Variants in ZC2HC1B observed in about 807,000 individuals in gnomAD.
ZC2HC1B encodes the protein zinc finger C2HC domain-containing protein 1B.
Under a neutral mutation model 31.0 loss-of-function variants are expected in ZC2HC1B, and 36 were observed. That is an observed-to-expected ratio of 1.16 (90% CI 0.89 to 1.54). ZC2HC1B has a LOEUF of 1.54. Among genes scored for constraint, ZC2HC1B ranks in the 40% most tolerant of loss-of-function variants. The pLI, the probability that ZC2HC1B is intolerant of heterozygous loss-of-function variation, is 0.00. For synonymous variants in ZC2HC1B, 73 were observed against 88.0 expected, an observed-to-expected ratio of 0.83 and a Z score of 0.95; for missense variants, 260 against 268.6, an observed-to-expected ratio of 0.97 and a Z score of 0.22.
At chr6:143,880,426 A>G (rs1777453985) in intron 1 of ZC2HC1B, among the ~76,000 whole-genome samples, 2 of 152,348 alleles carry the variant, frequency 1.3e-5, no homozygotes, top group East Asian at 1.9e-4. Context: ...CAGAAAACTA[A>G]AAGTAATATT....
chr6:143,920,970 A>G lies in ZC2HC1B; in HGVS notation c.599-16679A>G, dbSNP rs375241743. On this transcript the variant is annotated intron_variant, in intron 6 of 7. Coordinates refer to ENST00000237275, the MANE Select transcript of ZC2HC1B (RefSeq NM_001013623.3). ...ATACCATCTGAGCTCACCTTCTCCTATTTCTCCTTTTTTGAAAAAAACCGA... is the reference window on the plus strand; with the variant it reads ...ATACCATCTGAGCTCACCTTCTCCTGTTTCTCCTTTTTTGAAAAAAACCGA... 6.6e-5 allele frequency among the ~76,000 whole-genome samples: 10 copies of G among 150,928 alleles called. 1 individual carries two copies. Among genetic ancestry groups the G allele is most frequent in the South Asian group, 4.2e-4 (2 of 4,760 alleles).
At position 143,885,996 on chromosome 6, in the gene ZC2HC1B, C is replaced by T. The variant is rs75669641; in HGVS notation, c.91-36C>T. ...CTAGGCATTAAAAACTGATTGTGCA[C>T]TTTAGAAATTCCAATCCCTACTCTT... is the stretch of plus-strand genomic sequence containing the variant. On this transcript the variant is annotated intron_variant, in intron 2 of 7. Coordinates refer to ENST00000237275, the MANE Select transcript of ZC2HC1B (RefSeq NM_001013623.3). This position sits in a 1 kb window ranked among gnomAD's most constrained non-coding sequence, Gnocchi z 4.2. 560 of 1,489,528 alleles carry T rather than the reference C, an allele frequency of 3.8e-4. No individual in the cohort carries two copies. The highest frequency in any genetic ancestry group is 1.2e-3 in the Admixed American group (50 of 40,102). 92.3% of individuals were successfully genotyped at this position (1,489,528 alleles called of 1,614,324 possible).
In ZC2HC1B at chr6:143,933,740, A is replaced by C. The variant is rs1056746967; in HGVS notation, c.599-3909A>C. On this transcript the variant is annotated intron_variant, in intron 6 of 7. Coordinates refer to ENST00000237275, the MANE Select transcript of ZC2HC1B (RefSeq NM_001013623.3). The surrounding 1 kb of genome is among the most constrained non-coding windows in gnomAD (Gnocchi z 6.4). Reference sequence around the variant, plus strand: ...CAGCCTGGGACTCAGATCTAGTCCCAGGCTCTAAGTTTCCCCACTGAGGAA... The same window carrying C: ...CAGCCTGGGACTCAGATCTAGTCCCCGGCTCTAAGTTTCCCCACTGAGGAA... Among the ~76,000 whole-genome samples the C allele has an allele frequency of 3.3e-5, 5 of 152,134 alleles. No individual in the cohort carries two copies. The highest frequency in any genetic ancestry group is 5.9e-5 in the Non-Finnish European group (4 of 68,024).
chr6:143,920,840 G>A lies in ZC2HC1B; in HGVS notation c.599-16809G>A, dbSNP rs571945412. 5.3e-5 allele frequency among the ~76,000 whole-genome samples: 8 copies of A among 150,892 alleles called. No homozygotes were observed. In the East Asian group the frequency reaches 9.7e-4, roughly 18 times the overall value. On this transcript the variant is annotated intron_variant, in intron 6 of 7. Transcript: ENST00000237275. ...GGAGAATCGCTTGAACCCAGGAGTC[G>A]GAGGTTACAGTGAGCCAAGATCGCC...
At chr6:143,889,129 A>G (rs556579345) in intron 4 of ZC2HC1B, among the ~76,000 whole-genome samples, 2 of 152,198 alleles carry the variant, frequency 1.3e-5, no homozygotes, top group East Asian at 3.9e-4. Context: ...CTTATATTAT[A>G]CATGAATAGG....
chr6:143,904,460 C>G (rs1351672448), intron 6 of ZC2HC1B, among the ~76,000 whole-genome samples: 1 of 152,190 alleles, frequency 6.6e-6, no homozygotes, highest in East Asian at 1.9e-4. Flanking sequence ...CTGCCAGGCT[C>G]AAGTGATCCT....
rs920339966 is a variant in ZC2HC1B, at chr6:143,913,708, C to A, written c.598+10556C>A. On this transcript the variant is annotated intron_variant, in intron 6 of 7. Coordinates refer to ENST00000237275, the MANE Select transcript of ZC2HC1B (RefSeq NM_001013623.3). This position sits in a 1 kb window ranked among gnomAD's most constrained non-coding sequence, Gnocchi z 5.7. ...TAGGCTCACAAGGGGATCTCCTGAT[C>A]CACAGGTTGCAAAGATTCATGGGAG... Among the ~76,000 whole-genome samples the A allele has an allele frequency of 4.6e-5, 7 of 152,188 alleles. No individual in the cohort carries two copies. The highest frequency in any genetic ancestry group is 1.7e-4 in the African/African-American group (7 of 41,444).
At position 143,885,559 on chromosome 6, in the gene ZC2HC1B, G is replaced by C. The variant is rs1313102170; in HGVS notation, c.91-473G>C. ...TTTTTATAGAGCTTGTATTTTGTGG[G>C]GTCTGACAAAGCTACTGTGTCAATG... is the stretch of plus-strand genomic sequence containing the variant. On this transcript the variant is annotated intron_variant, in intron 2 of 7. Coordinates refer to ENST00000237275, the MANE Select transcript of ZC2HC1B (RefSeq NM_001013623.3). This position sits in a 1 kb window ranked among gnomAD's most constrained non-coding sequence, Gnocchi z 4.2. 6.6e-6 allele frequency among the ~76,000 whole-genome samples: 1 copy of C among 152,066 alleles called. No individual in the cohort carries two copies. Among genetic ancestry groups the C allele is most frequent in the Non-Finnish European group, 1.5e-5 (1 of 68,018 alleles).
In ZC2HC1B at chr6:143,887,087, A is replaced by G. The variant is rs1777539693; in HGVS notation, c.349+266A>G. ...ACCAGACACCTCTTAGCCGATAGGT[A>G]TGGAGCTATGCAGAGCAAACTAACC... is the stretch of plus-strand genomic sequence containing the variant. On this transcript the variant is annotated intron_variant, in intron 4 of 7. Coordinates refer to ENST00000237275, the MANE Select transcript of ZC2HC1B (RefSeq NM_001013623.3). This position sits in a 1 kb window ranked among gnomAD's most constrained non-coding sequence, Gnocchi z 5.1. Among the ~76,000 whole-genome samples the G allele has an allele frequency of 6.6e-6, 1 of 152,180 alleles. No homozygotes were observed. The highest frequency in any genetic ancestry group is 2.1e-4 in the South Asian group (1 of 4,828).
At position 143,916,239 on chromosome 6, in the gene ZC2HC1B, C is replaced by T. The variant is rs143264908; in HGVS notation, c.598+13087C>T. On this transcript the variant is annotated intron_variant, in intron 6 of 7. Transcript: ENST00000237275. ...AAGCCCCAAGCCTTGGCAGCTTCCA[C>T]GTGGTGTTGAGCCTGTGGGTGCACA... 1.9e-3 allele frequency among the ~76,000 whole-genome samples: 294 copies of T among 152,290 alleles called. 5 individuals are homozygous for T. The highest frequency in any genetic ancestry group is 0.012 in the East Asian group (60 of 5,180).
At position 143,886,806 on chromosome 6, in the gene ZC2HC1B, C is replaced by G. The variant is rs746365328; in HGVS notation, c.334C>G (p.Pro112Ala). The G allele has an allele frequency of 1.2e-5, 19 of 1,535,348 alleles. No homozygotes were observed. Among genetic ancestry groups the G allele is most frequent in the Non-Finnish European group, 1.8e-6 (2 of 1,139,982 alleles). The change falls in exon 4 of 8, where the codon CCA becomes GCA. Residue 112 changes from proline to alanine, a missense_variant. Pro to Ala is a conservative substitution (Grantham distance 27). Coordinates refer to ENST00000237275, the MANE Select transcript of ZC2HC1B (RefSeq NM_001013623.3). This position sits in a 1 kb window ranked among gnomAD's most constrained non-coding sequence, Gnocchi z 4.2. ...CCGACCCCTCCCACCTCCACCCCCT[C>G]CATCCTTGAACCCAGGTGTGTAGAC... ...EGRPLPPPPPPSLNPDYIQRP... is the reference protein window; with the variant it reads ...EGRPLPPPPPASLNPDYIQRP...
At chr6:143,892,835 A>G (rs1777617156) in intron 4 of ZC2HC1B, among the ~76,000 whole-genome samples, 1 of 152,228 alleles carries the variant, frequency 6.6e-6, no homozygotes, top group Admixed American at 6.5e-5. Context: ...TTGACCTAAT[A>G]TAATTGTTAC....
chr6:143,930,429 C>T (rs935774841), intron 6 of ZC2HC1B, among the ~76,000 whole-genome samples: 18 of 145,806 alleles, frequency 1.2e-4, no homozygotes, highest in Admixed American at 1.2e-3. Flanking sequence ...CTCTGTCGCC[C>T]AGGCTGGAGT....
chr6:143,935,925 C>G (rs1778173163), intron 6 of ZC2HC1B, among the ~76,000 whole-genome samples: 1 of 152,074 alleles, frequency 6.6e-6, no homozygotes, highest in South Asian at 2.1e-4. Flanking sequence ...ATTGGCATTA[C>G]AGGTGTGAGC....
chr6:143,908,252 T>C lies in ZC2HC1B; in HGVS notation c.598+5100T>C, dbSNP rs114112671. Among the ~76,000 whole-genome samples the C allele has an allele frequency of 0.019, 2,954 of 151,874 alleles. 102 individuals carry two copies. The highest frequency in any genetic ancestry group is 0.067 in the African/African-American group (2,778 of 41,376). ...TCTTTTTGCTTAGGATTGTCTTGAC[T>C]ATTTGGGCTCTGTTTTGATTTCATA... is the stretch of plus-strand genomic sequence containing the variant. On this transcript the variant is annotated intron_variant, in intron 6 of 7. Transcript: ENST00000237275. This position sits in a 1 kb window ranked among gnomAD's most constrained non-coding sequence, Gnocchi z 4.4.
chr6:143,911,959 C>CT lies in ZC2HC1B; in HGVS notation c.598+8815dup, dbSNP rs531361047. On this transcript the variant is annotated intron_variant, in intron 6 of 7. Coordinates refer to ENST00000237275, the MANE Select transcript of ZC2HC1B (RefSeq NM_001013623.3). The surrounding 1 kb of genome is among the most constrained non-coding windows in gnomAD (Gnocchi z 4.5). ...TCCCATGTTTCTCAGAGGTTTTGTT[C>CT]TTTTTTTTCATTCTTTTTTCTCTAT... 2.0e-5 allele frequency among the ~76,000 whole-genome samples: 3 copies of CT among 151,878 alleles called. No homozygotes were observed. The highest frequency in any genetic ancestry group is 2.1e-4 in the South Asian group (1 of 4,814).
rs1008787989 is a variant in ZC2HC1B, at chr6:143,892,896, A to AT, written c.350-5647dup. 6.6e-5 allele frequency among the ~76,000 whole-genome samples: 10 copies of AT among 151,772 alleles called. No homozygotes were observed. In the South Asian group the frequency reaches 1.3e-3, roughly 19 times the overall value. ...AGGCAGGACACAAAATCCACTAATA[A>AT]TTTTTTTTTAAAAAAAGGAAATTAG... On this transcript the variant is annotated intron_variant, in intron 4 of 7. Transcript: ENST00000237275.
At chr6:143,901,101 A>AGTGCTG (rs1299833278) in intron 5 of ZC2HC1B, among the ~76,000 whole-genome samples, 1 of 151,774 alleles carries the variant, frequency 6.6e-6, no homozygotes, top group Non-Finnish European at 1.5e-5. Flanking sequence ...AGCCTCCCAA[A>AGTGCTG]GTGCTGGGAT....
Position 143,934,196 on chromosome 6 carries a change from G to A in ZC2HC1B, c.599-3453G>A, listed in dbSNP as rs897050077. The stretch of plus-strand genomic sequence containing the variant: ...CCCCTCTCAGACTTTGGGAACTTAC[G>A]AATTTTCACCTGTCTTGCAGAATTT... On this transcript the variant is annotated intron_variant, in intron 6 of 7. Coordinates refer to ENST00000237275, the MANE Select transcript of ZC2HC1B (RefSeq NM_001013623.3). The surrounding 1 kb of genome is among the most constrained non-coding windows in gnomAD (Gnocchi z 4.6). Among the ~76,000 whole-genome samples the A allele has an allele frequency of 2.6e-5, 4 of 152,206 alleles. No individual in the cohort carries two copies. The highest frequency in any genetic ancestry group is 4.8e-5 in the African/African-American group (2 of 41,452).
Sources: gnomAD v4.1 joint callset for allele counts (sites outside exome capture counted in the v4.1 genomes callset) on GRCh38, gnomAD v4.1.1 for gene constraint, Gnocchi (gnomAD v3.1) non-coding constraint, MANE v1.5 for transcripts, NCBI Gene and HGNC (gene_info 2026-07-23, HGNC 2026-07-21) for gene names.